ANO2: variants seen among roughly 807,000 people sequenced by gnomAD.
ANO2 encodes the protein anoctamin 2.
In ANO2, 101 loss-of-function variants were observed where a neutral mutation model predicts 124.2. The observed-to-expected ratio is 0.81, with a 90% CI of 0.69 to 0.96. The LOEUF (loss-of-function observed/expected upper bound fraction) is 0.96, where lower values mean the gene tolerates loss of function less well. Among genes scored for constraint, ANO2 ranks in the 40% least tolerant of loss-of-function variants. The probability of loss-of-function intolerance (pLI) is 0.00; values close to 1 mark genes in which losing one functional copy is unlikely to be tolerated. For synonymous variants in ANO2, 486 were observed against 482.5 expected, an observed-to-expected ratio of 1.01 and a Z score of -0.09; for missense variants, 1,293 against 1,274.5, an observed-to-expected ratio of 1.01 and a Z score of -0.22.
At chr12:5,809,324 A>C (rs543815286) in intron 7 of ANO2, among the ~76,000 whole-genome samples, 9 of 133,344 alleles carry the variant, frequency 6.7e-5, no homozygotes, top group Admixed American at 6.5e-4. Flanking sequence ...TTTGTAGTTA[A>C]AAGCTAAAGC....
At chr12:5,774,227 G>C (rs971300767) in intron 10 of ANO2, among the ~76,000 whole-genome samples, 26 of 152,162 alleles carry the variant, frequency 1.7e-4, no homozygotes, top group Non-Finnish European at 4.4e-5. Flanking sequence ...GGGCAAGGTG[G>C]GCGGATTGCT....
intron 14 of ANO2, among the ~76,000 whole-genome samples, chr12:5,704,640 G>A (rs1295042129): frequency 6.6e-6 from 1 of 151,960 alleles, no homozygotes; most frequent in Non-Finnish European, 1.5e-5. Context: ...ACCTGATTCT[G>A]CCCTTGGAAG....
intron 11 of ANO2, 94 bp from the exon 12 acceptor site, chr12:5,744,411 T>A (rs1483405123): frequency 7.1e-7 from 1 of 1,412,046 alleles, no homozygotes; most frequent in Non-Finnish European, 9.8e-7. Context: ...TTTCCAAATC[T>A]ATGGTTGAGT....
intron 7 of ANO2, among the ~76,000 whole-genome samples, chr12:5,820,353 AG>A (rs753353813): frequency 5.3e-5 from 8 of 152,196 alleles, no homozygotes; most frequent in Non-Finnish European, 1.0e-4. Context: ...CGTTGATTCC[AG>A]GGGACCCAAA....
chr12:5,768,453 T>G (rs1951965963), intron 10 of ANO2, among the ~76,000 whole-genome samples: 1 of 152,162 alleles, frequency 6.6e-6, no homozygotes, highest in African/African-American at 2.4e-5. Flanking sequence ...AGAGTCTATA[T>G]CAAAAGGGAT....
Position 5,900,805 on chromosome 12 carries a change from G to A in ANO2, c.534+20235C>T, listed in dbSNP as rs1940144217. 6.6e-6 allele frequency among the ~76,000 whole-genome samples: 1 copy of A among 152,078 alleles called. No individual in the cohort carries two copies. Among genetic ancestry groups the A allele is most frequent in the African/African-American group, 2.4e-5 (1 of 41,326 alleles). On this transcript the variant is annotated intron_variant, in intron 3 of 24. Transcript: ENST00000682330. The surrounding 1 kb of genome is among the most constrained non-coding windows in gnomAD (Gnocchi z 4.2). ...TGAGTATTTAATTAGAACTGGTGATGGCTGTTTGGAAAGAGTCAAGGCCAA... is the reference window on the plus strand; with the variant it reads ...TGAGTATTTAATTAGAACTGGTGATAGCTGTTTGGAAAGAGTCAAGGCCAA...
At chr12:5,682,255 G>A (rs1380645562) in intron 14 of ANO2, among the ~76,000 whole-genome samples, 1 of 152,094 alleles carries the variant, frequency 6.6e-6, no homozygotes. Flanking sequence ...AGAGATAAAT[G>A]AGCATTTCTA....
chr12:5,785,928 G>C (rs1390736931), intron 10 of ANO2, among the ~76,000 whole-genome samples: 1 of 152,026 alleles, frequency 6.6e-6, no homozygotes, highest in Non-Finnish European at 1.5e-5. Context: ...TACACCATGT[G>C]TCCCAACAGG....
Position 5,636,958 on chromosome 12 carries a change from G to A in ANO2, c.1621-1611C>T, listed in dbSNP as rs1056902912. ...AGCCCTTGGTAAGGAAGGGAGAAAG[G>A]TGGCGTTCTCTGGGTAGAGGAAGGC... On this transcript the variant is annotated intron_variant, in intron 15 of 24. Transcript: ENST00000682330. This position sits in a 1 kb window ranked among gnomAD's most constrained non-coding sequence, Gnocchi z 4.6. Among the ~76,000 whole-genome samples the A allele has an allele frequency of 1.3e-5, 2 of 152,026 alleles. No homozygotes were observed. Among genetic ancestry groups the A allele is most frequent in the African/African-American group, 4.8e-5 (2 of 41,376 alleles).
intron 14 of ANO2, among the ~76,000 whole-genome samples, chr12:5,654,602 A>G (rs1266021906): frequency 3.9e-5 from 6 of 152,216 alleles, no homozygotes; most frequent in Middle Eastern, 3.4e-3. Flanking sequence ...TATCATCTGC[A>G]TCACTATCTT....
At chr12:5,873,510 C>G (rs903321366) in intron 3 of ANO2, among the ~76,000 whole-genome samples, 2 of 152,212 alleles carry the variant, frequency 1.3e-5, no homozygotes, top group Non-Finnish European at 2.9e-5. Flanking sequence ...GGAATTTGGG[C>G]TGGGGCCCAT....
intron 14 of ANO2, among the ~76,000 whole-genome samples, chr12:5,651,199 C>T (rs553658331): frequency 6.6e-6 from 1 of 152,330 alleles, no homozygotes; most frequent in Non-Finnish European, 1.5e-5. Context: ...TGTCTCAGCT[C>T]TTTGTGTCTA....
At chr12:5,768,692 A>G (rs1951974404) in intron 10 of ANO2, among the ~76,000 whole-genome samples, 1 of 152,080 alleles carries the variant, frequency 6.6e-6, no homozygotes, top group Non-Finnish European at 1.5e-5. Flanking sequence ...GGACTGACCC[A>G]TGCCTGTACG....
rs1168219794 is a variant in ANO2, at chr12:5,900,200, A to T, written c.534+20840T>A. On this transcript the variant is annotated intron_variant, in intron 3 of 24. Coordinates refer to ENST00000682330, the MANE Select transcript of ANO2 (RefSeq NM_001364791.2). The surrounding 1 kb of genome is among the most constrained non-coding windows in gnomAD (Gnocchi z 4.2). ...GATTTCAATGTAATCACGGACAACC[A>T]AGAGCCCTGAGAGGATGGAGAGGCA... Among the ~76,000 whole-genome samples, 3 of 152,166 alleles carry T rather than the reference A, an allele frequency of 2.0e-5. No homozygotes were observed. In the East Asian group the frequency reaches 5.8e-4, roughly 29 times the overall value.
Position 5,599,556 on chromosome 12 carries a change from G to GT in ANO2, c.2160dup (p.His721ThrfsTer52). 6.2e-7 allele frequency: 1 copy of GT among 1,613,946 alleles called. No individual in the cohort carries two copies. Among genetic ancestry groups the GT allele is most frequent in the Non-Finnish European group, 8.5e-7 (1 of 1,179,856 alleles). ...TAGTCTAGGTCCCACTGCTCTGGAT[G>GT]TTTCGAATGGGCAGAGTCAGTTTCT... is the stretch of plus-strand genomic sequence containing the variant. On this transcript the variant is annotated frameshift_variant, in exon 20 of 25. Transcript: ENST00000682330. LOFTEE classifies it high-confidence loss of function.
At chr12:5,776,722 A>T (rs1479269606) in intron 10 of ANO2, among the ~76,000 whole-genome samples, 1 of 152,232 alleles carries the variant, frequency 6.6e-6, no homozygotes, top group Non-Finnish European at 1.5e-5. Flanking sequence ...TAACGTAAGG[A>T]CTAGAGAATG....
In ANO2 at chr12:5,769,981, G is replaced by A. The variant is rs1011925644; in HGVS notation, c.1056-19011C>T. Among the ~76,000 whole-genome samples the A allele has an allele frequency of 2.6e-5, 4 of 152,216 alleles. No homozygotes were observed. The highest frequency in any genetic ancestry group is 5.9e-5 in the Non-Finnish European group (4 of 68,028). ...TTCACAAGCCTGTGTGGCAGCCCGAGAAGGAGAGATACTGTCTACATTTAA... is the reference window on the plus strand; with the variant it reads ...TTCACAAGCCTGTGTGGCAGCCCGAAAAGGAGAGATACTGTCTACATTTAA... On this transcript the variant is annotated intron_variant, in intron 10 of 24. Transcript: ENST00000682330. The surrounding 1 kb of genome is among the most constrained non-coding windows in gnomAD (Gnocchi z 4.0).
chr12:5,741,979 A>T (rs1161851398), intron 12 of ANO2, among the ~76,000 whole-genome samples: 3 of 152,148 alleles, frequency 2.0e-5, no homozygotes, highest in Admixed American at 2.0e-4. Context: ...TTCGGAAAAG[A>T]GTTCTGAAAC....
chr12:5,802,822 T>C (rs541767313), intron 9 of ANO2, among the ~76,000 whole-genome samples: 14 of 152,338 alleles, frequency 9.2e-5, no homozygotes, highest in Admixed American at 6.5e-4. Flanking sequence ...TCCTTCTTAA[T>C]GGACAGTGCC....
Sources: allele counts gnomAD v4.1 joint callset (sites outside exome capture counted in the v4.1 genomes callset), GRCh38; gene constraint gnomAD v4.1.1; non-coding constraint Gnocchi (gnomAD v3.1); transcripts MANE v1.5; gene names NCBI Gene and HGNC (gene_info 2026-07-23, HGNC 2026-07-21).